EPAS1: variants seen among roughly 807,000 people sequenced by gnomAD.
The protein encoded by EPAS1 is endothelial PAS domain-containing protein 1.
Under a neutral mutation model 87.9 loss-of-function variants are expected in EPAS1, and 23 were observed. The ratio of observed to expected loss-of-function variants is 0.26; its 90% CI spans 0.19 to 0.37. The LOEUF (loss-of-function observed/expected upper bound fraction) is 0.37. Ranked by LOEUF, EPAS1 falls within the 10% of genes least tolerant of loss-of-function variation. The pLI, the probability that EPAS1 is intolerant of heterozygous loss-of-function variation, is 1.00. For synonymous variants in EPAS1, 508 were observed against 444.3 expected (o/e 1.14, Z -1.80); for missense variants, 1,138 against 1,120.7 (o/e 1.02, Z -0.22).
rs1413512267 is a variant in EPAS1 at position 46,373,423 on chromosome 2, A to G, written c.887-2267A>G. Among the ~76,000 whole-genome samples, 3 of 152,276 alleles carry G rather than the reference A, an allele frequency of 2.0e-5. No individual in the cohort carries two copies. The East Asian group carries it at 5.8e-4, about 29-fold the overall frequency. ...TGGATAAACAAATTATGGTATGTCC[A>G]TGCAACGGAATACAACTCACTGATG... is the stretch of plus-strand genomic sequence containing the variant. On this transcript the variant is annotated intron_variant, in intron 7 of 15. Coordinates refer to ENST00000263734, the MANE Select transcript of EPAS1 (RefSeq NM_001430.5).
chr2:46,304,935 A>G (rs1395023637), intron 1 of EPAS1, among the ~76,000 whole-genome samples: 5 of 152,216 alleles, frequency 3.3e-5, no homozygotes, highest in Non-Finnish European at 7.3e-5. Context: ...TTCGCTGATG[A>G]GCCCTGAGCC....
chr2:46,364,719 C>T (rs911679387), intron 6 of EPAS1, among the ~76,000 whole-genome samples: 1 of 152,176 alleles, frequency 6.6e-6, no homozygotes, highest in Non-Finnish European at 1.5e-5. Flanking sequence ...AGTTGAGTAG[C>T]AGGGTAAAAG....
chr2:46,378,232 A>C, intron 10 of EPAS1, 145 bp downstream of exon 10: 1 of 1,392,404 alleles, frequency 7.2e-7, no homozygotes, highest in South Asian at 1.5e-5. Flanking sequence ...CTTACCTACC[A>C]GGTATCAGAG....
intron 6 of EPAS1, among the ~76,000 whole-genome samples, chr2:46,369,374 G>C (rs983587427): frequency 3.9e-5 from 6 of 152,184 alleles, no homozygotes; most frequent in African/African-American, 1.4e-4. Context: ...CCTTCTACTA[G>C]AATGAGCTTG....
At position 46,356,136 on chromosome 2, in the gene EPAS1, C is replaced by A. The variant is rs747472503; in HGVS notation, c.218-15C>A. ...CCACATTCATGCAAGCTGTCCCACC[C>A]CCCCCCCTTTCCAGTTTGCTCTGAA... On this transcript the variant is annotated splice_polypyrimidine_tract_variant and intron_variant, in intron 2 of 15. Transcript: ENST00000263734. The A allele has an allele frequency of 5.1e-5, 65 of 1,274,938 alleles. No homozygotes were observed. Among genetic ancestry groups the A allele is most frequent in the South Asian group, 2.1e-4 (18 of 84,020 alleles). The allele number at this position is 1,274,938 out of a possible 1,614,324, so 79.0% of individuals were successfully genotyped here.
chr2:46,324,029 G>T (rs1683505569), intron 1 of EPAS1, among the ~76,000 whole-genome samples: 1 of 152,176 alleles, frequency 6.6e-6, no homozygotes, highest in South Asian at 2.1e-4. Flanking sequence ...TTTGCTGTTT[G>T]TGCAGCTTAA....
rs200192952 is a variant in EPAS1 at position 46,320,793 on chromosome 2, T to C, written c.26+22856T>C. ...TTTGTGTGAGAGTTTAGTTTAAGAG[T>C]ACTGTAGAAGCTTTGCATTGTGTTG... On this transcript the variant is annotated intron_variant, in intron 1 of 15. Transcript: ENST00000263734. Among the ~76,000 whole-genome samples, 36 of 152,348 alleles carry C rather than the reference T, an allele frequency of 2.4e-4. No individual in the cohort carries two copies. The East Asian group carries it at 2.5e-3, about 11-fold the overall frequency.
At position 46,375,724 on chromosome 2, in the gene EPAS1, C is replaced by T. The variant is rs1345600665; in HGVS notation, c.921C>T (p.Tyr307=). 1 of 1,614,166 alleles carries T rather than the reference C, an allele frequency of 6.2e-7. No homozygotes were observed. The highest frequency in any genetic ancestry group is 8.5e-7 in the Non-Finnish European group (1 of 1,180,032). The change falls in exon 8 of 16, where the codon TAC becomes TAT. Residue 307 remains tyrosine (Y), a synonymous_variant. Transcript: ENST00000263734. The surrounding 1 kb of genome is among the most constrained non-coding windows in gnomAD (Gnocchi z 4.1). ...AGGGTCAGGTAGTAAGTGGCCAGTA[C>T]CGGATGCTCGCAAAGCATGGGGGCT... ...CTKGQVVSGQ[Y]RMLAKHGGYV...
At chr2:46,297,980 A>C (rs776867792) in intron 1 of EPAS1, 43 bp downstream of exon 1, 6 of 1,606,890 alleles carry the variant, frequency 3.7e-6, no homozygotes, top group Non-Finnish European at 5.1e-6. Context: ...GTCCGAGGCC[A>C]GGGCCGGGCT....
intron 6 of EPAS1, 47 bp downstream of exon 6, chr2:46,361,137 C>CTG (rs1684378158): frequency 6.3e-7 from 1 of 1,591,128 alleles, no homozygotes; most frequent in South Asian, 1.1e-5. Context: ...TGGGTCTTAC[C>CTG]TGTGTGTGTG....
At chr2:46,358,790 C>T (rs756930589) in intron 4 of EPAS1, among the ~76,000 whole-genome samples, 1 of 152,120 alleles carries the variant, frequency 6.6e-6, no homozygotes, top group Non-Finnish European at 1.5e-5. Flanking sequence ...TGGGTGGACT[C>T]GTGATCTAGA....
In EPAS1 at chr2:46,300,308, T is replaced by C. The variant is rs560338055; in HGVS notation, c.26+2371T>C. Among the ~76,000 whole-genome samples, 3 of 152,252 alleles carry C rather than the reference T, an allele frequency of 2.0e-5. No individual in the cohort carries two copies. The highest frequency in any genetic ancestry group is 1.3e-4 in the Admixed American group (2 of 15,294). On this transcript the variant is annotated intron_variant, in intron 1 of 15. Coordinates refer to ENST00000263734, the MANE Select transcript of EPAS1 (RefSeq NM_001430.5). This position sits in a 1 kb window ranked among gnomAD's most constrained non-coding sequence, Gnocchi z 4.1. ...GCTGATGATTCTGCCCACTAGTTCT[T>C]ACATTTTGTGTTTCTTTGGTTTAGC... is the stretch of plus-strand genomic sequence containing the variant.
chr2:46,317,724 C>T (rs1183130308), intron 1 of EPAS1, among the ~76,000 whole-genome samples: 8 of 152,200 alleles, frequency 5.3e-5, no homozygotes, highest in African/African-American at 1.9e-4. Context: ...GCATAAGGCT[C>T]TTTCATCTAC....
intron 1 of EPAS1, among the ~76,000 whole-genome samples, chr2:46,320,280 C>G (rs2104848726): frequency 6.6e-6 from 1 of 152,206 alleles, no homozygotes; most frequent in South Asian, 2.1e-4. Flanking sequence ...TGGTCATTAC[C>G]CGATTCTGGT....
intron 1 of EPAS1, among the ~76,000 whole-genome samples, chr2:46,328,909 CCCT>C (rs1304388842): frequency 1.3e-5 from 2 of 152,168 alleles, no homozygotes; most frequent in African/African-American, 4.8e-5. Context: ...ATTCCCTGTT[CCCT>C]CCTCCTTTTT....
rs765172544 is a variant in EPAS1 at position 46,360,655 on chromosome 2, AAAAGCAAAG to A, written c.474_482del (p.Lys158_Asp161delinsAsn). 44 of 1,613,846 alleles carry A rather than the reference AAAAGCAAAG, an allele frequency of 2.7e-5. No individual in the cohort carries two copies. Among genetic ancestry groups the A allele is most frequent in the Non-Finnish European group, 3.5e-5 (41 of 1,180,020 alleles). On this transcript the variant is annotated inframe_deletion, in exon 5 of 16. Coordinates refer to ENST00000263734, the MANE Select transcript of EPAS1 (RefSeq NM_001430.5). This position sits in a 1 kb window ranked among gnomAD's most constrained non-coding sequence, Gnocchi z 4.5. ...ACATCCAGGCTCTGGTTTTGGGAAA[AAAAGCAAAG>A]ACATGTCCACAGAGCGGGACTTCTT...
intron 6 of EPAS1, among the ~76,000 whole-genome samples, chr2:46,366,734 G>C (rs760966692): frequency 6.6e-6 from 1 of 152,208 alleles, no homozygotes; most frequent in Non-Finnish European, 1.5e-5. Context: ...AAAAAAAATA[G>C]TTCCCTGGCC....
intron 6 of EPAS1, among the ~76,000 whole-genome samples, chr2:46,367,684 A>C (rs747340198): frequency 6.6e-6 from 1 of 152,232 alleles, no homozygotes; most frequent in East Asian, 1.9e-4. Context: ...GGCTGGCACA[A>C]ATGAGCTGCT....
chr2:46,350,723 G>A (rs1684130499), intron 2 of EPAS1, among the ~76,000 whole-genome samples: 1 of 152,204 alleles, frequency 6.6e-6, no homozygotes, highest in Admixed American at 6.5e-5. Context: ...GCTTTTCATT[G>A]TAAAACTGAA....
Sources: allele counts gnomAD v4.1 joint callset (sites outside exome capture counted in the v4.1 genomes callset), GRCh38; gene constraint gnomAD v4.1.1; non-coding constraint Gnocchi (gnomAD v3.1); transcripts MANE v1.5; gene names NCBI Gene and HGNC (gene_info 2026-07-23, HGNC 2026-07-21).